HTR1E: variants seen among roughly 807,000 people sequenced by gnomAD.
The protein encoded by HTR1E is 5-HT-1E.
In HTR1E, 3 loss-of-function variants were observed where a neutral mutation model predicts 3.4. That is an observed-to-expected ratio of 0.89 (90% CI 0.41 to 2.31). The LOEUF is 2.31. Ranked by LOEUF, HTR1E falls within the 30% of genes most tolerant of loss-of-function variation. The probability of loss-of-function intolerance (pLI) is 0.05; values close to 1 mark genes in which losing one functional copy is unlikely to be tolerated. For synonymous variants in HTR1E, 170 were observed against 182.8 expected (o/e 0.93, Z 0.56); for missense variants, 392 against 467.0 (o/e 0.84, Z 1.48).
chr6:86,959,334 C>T (rs1251811840), intron 1 of HTR1E, among the ~76,000 whole-genome samples: 1 of 152,114 alleles, frequency 6.6e-6, no homozygotes, highest in Non-Finnish European at 1.5e-5. Context: ...AACTGCAGCA[C>T]TCTGGGAGGC....
chr6:86,952,199 T>C (rs1431428159), intron 1 of HTR1E, among the ~76,000 whole-genome samples: 2 of 152,182 alleles, frequency 1.3e-5, no homozygotes, highest in African/African-American at 4.8e-5. Flanking sequence ...TCTACACACA[T>C]GTGGCTAAAT....
intron 1 of HTR1E, among the ~76,000 whole-genome samples, chr6:87,010,013 G>A (rs1291097753): frequency 3.6e-5 from 4 of 111,342 alleles, no homozygotes; most frequent in African/African-American, 1.5e-4. Flanking sequence ...GCGGAGGGCT[G>A]ACCCCCCCAC....
At chr6:87,000,409 A>G (rs760080160) in intron 1 of HTR1E, 2 of 152,222 alleles carry the variant, frequency 1.3e-5, no homozygotes, top group Non-Finnish European at 1.5e-5. Flanking sequence ...ACGATTAAAC[A>G]CCAAGCAGGT....
At chr6:86,987,929 C>A (rs1206279535) in intron 1 of HTR1E, among the ~76,000 whole-genome samples, 1 of 152,152 alleles carries the variant, frequency 6.6e-6, no homozygotes, top group Non-Finnish European at 1.5e-5. Flanking sequence ...CCTTTTAGTA[C>A]TAACACATTG....
intron 1 of HTR1E, among the ~76,000 whole-genome samples, chr6:86,998,254 T>C (rs184457591): frequency 2.6e-5 from 4 of 152,160 alleles, no homozygotes; most frequent in Admixed American, 2.6e-4. Context: ...TTATAGAACA[T>C]TGTGTGGAAC....
At chr6:86,940,144 A>C (rs1482959506) in intron 1 of HTR1E, among the ~76,000 whole-genome samples, 2 of 152,142 alleles carry the variant, frequency 1.3e-5, no homozygotes, top group African/African-American at 4.8e-5. Context: ...TATATCATTC[A>C]CAGCACATTG....
chr6:86,964,233 T>C (rs887216405), intron 1 of HTR1E, among the ~76,000 whole-genome samples: 2 of 152,188 alleles, frequency 1.3e-5, no homozygotes, highest in Admixed American at 6.5e-5. Context: ...TGGAATCGTA[T>C]CTGGGGGCAT....
At chr6:86,958,906 A>G (rs1385259199) in intron 1 of HTR1E, among the ~76,000 whole-genome samples, 1 of 151,244 alleles carries the variant, frequency 6.6e-6, no homozygotes, top group African/African-American at 2.4e-5. Context: ...TGTATTAATC[A>G]GGGCTCTCCA....
chr6:86,969,175 A>G (rs1767514729), intron 1 of HTR1E, among the ~76,000 whole-genome samples: 2 of 152,266 alleles, frequency 1.3e-5, no homozygotes, highest in South Asian at 4.1e-4. Flanking sequence ...ATGGTTGATA[A>G]TAACCTACTG....
chr6:86,999,522 T>C (rs1371512107), intron 1 of HTR1E, among the ~76,000 whole-genome samples: 1 of 152,194 alleles, frequency 6.6e-6, no homozygotes, highest in Non-Finnish European at 1.5e-5. Flanking sequence ...CATTTTCCCA[T>C]GTGACTGACT....
chr6:86,965,899 T>C (rs1369692645), intron 1 of HTR1E, among the ~76,000 whole-genome samples: 4 of 152,142 alleles, frequency 2.6e-5, no homozygotes, highest in Non-Finnish European at 5.9e-5. Context: ...AAATTGGTTA[T>C]AGTGTATACT....
chr6:87,007,152 T>C (rs921008972), intron 1 of HTR1E, among the ~76,000 whole-genome samples: 3 of 152,184 alleles, frequency 2.0e-5, no homozygotes, highest in African/African-American at 7.2e-5. Context: ...TAAAAAAGAA[T>C]GAGATCCTGT....
chr6:86,986,738 C>A (rs1040131767), intron 1 of HTR1E, among the ~76,000 whole-genome samples: 1 of 152,088 alleles, frequency 6.6e-6, no homozygotes, highest in African/African-American at 2.4e-5. Flanking sequence ...GATATTAGTA[C>A]CCTATCAAAT....
At chr6:86,957,277 G>A (rs750202198) in intron 1 of HTR1E, among the ~76,000 whole-genome samples, 6 of 152,088 alleles carry the variant, frequency 3.9e-5, no homozygotes, top group Non-Finnish European at 8.8e-5. Flanking sequence ...TTTTTTCCCT[G>A]CCTTCTGAGG....
intron 1 of HTR1E, among the ~76,000 whole-genome samples, chr6:86,987,356 T>TAGCAGTGGCAC (rs1425800962): frequency 1.3e-5 from 2 of 152,144 alleles, no homozygotes; most frequent in Non-Finnish European, 2.9e-5. Flanking sequence ...TGCCACAAGT[T>TAGCAGTGGCAC]AGCAGTGAGG....
intron 1 of HTR1E, among the ~76,000 whole-genome samples, chr6:86,985,393 AT>A (rs1767771202): frequency 1.3e-5 from 2 of 152,338 alleles, no homozygotes; most frequent in African/African-American, 2.4e-5. Flanking sequence ...TATGATTAAC[AT>A]TTTTTAATTA....
intron 1 of HTR1E, among the ~76,000 whole-genome samples, chr6:87,009,829 G>A (rs1340486289): frequency 8.0e-6 from 1 of 124,332 alleles, no homozygotes; most frequent in Non-Finnish European, 1.7e-5. Flanking sequence ...GCCGGGCGGG[G>A]GGACTGACCC....
intron 1 of HTR1E, among the ~76,000 whole-genome samples, chr6:87,009,406 G>T (rs188707014): frequency 6.6e-6 from 1 of 151,990 alleles, no homozygotes; most frequent in Non-Finnish European, 1.5e-5. Context: ...AGGATCCCAC[G>T]GCAGAGGAAT....
chr6:86,979,499 A>G (rs1767682423), intron 1 of HTR1E, among the ~76,000 whole-genome samples: 1 of 152,222 alleles, frequency 6.6e-6, no homozygotes, highest in South Asian at 2.1e-4. Flanking sequence ...GGCCTGGTTG[A>G]GAGGACAGAT....
Sources: gnomAD v4.1 joint callset for allele counts (sites outside exome capture counted in the v4.1 genomes callset) on GRCh38, gnomAD v4.1.1 for gene constraint, MANE v1.5 for transcripts, NCBI Gene and HGNC (gene_info 2026-07-23, HGNC 2026-07-21) for gene names.